Variants in PTPRD observed in about 807,000 individuals in gnomAD.
PTPRD encodes protein tyrosine phosphatase receptor type D.
In PTPRD, 34 loss-of-function variants were observed where a neutral mutation model predicts 214.5. The ratio of observed to expected loss-of-function variants is 0.16; its 90% confidence interval spans 0.12 to 0.21. PTPRD has a LOEUF of 0.21. Ranked by LOEUF, PTPRD falls within the 10% of genes least tolerant of loss-of-function variation. The pLI is 1.00. For missense variants in PTPRD, 2,545 were observed against 2,398.7 expected, an observed-to-expected ratio of 1.06 and a Z score of -1.27; for synonymous variants, 1,128 against 845.7, an observed-to-expected ratio of 1.33 and a Z score of -5.79.
Position 8,799,654 on chromosome 9 carries a change from C to A in PTPRD, c.-103-65708G>T, listed in dbSNP as rs111504971. On this transcript the variant is annotated intron_variant, in intron 11 of 45. Transcript: ENST00000381196. ...ACTCCAGCTGCCCTTTCAACTTCTG[C>A]CTTCCTTAATAAAGATGGTATAGCA... Among the ~76,000 whole-genome samples, 802 of 152,208 alleles carry A rather than the reference C, an allele frequency of 5.3e-3. 12 individuals are homozygous for A. The highest frequency in any genetic ancestry group is 0.045 in the East Asian group (231 of 5,166).
intron 5 of PTPRD, among the ~76,000 whole-genome samples, chr9:9,820,241 G>C (rs143624813): frequency 4.2e-4 from 64 of 152,078 alleles, no homozygotes; most frequent in African/African-American, 1.5e-3. Context: ...TGATCAGTAA[G>C]GTTGAGCATT....
At chr9:9,156,982 G>A (rs1592597317) in intron 10 of PTPRD, among the ~76,000 whole-genome samples, 2 of 152,258 alleles carry the variant, frequency 1.3e-5, no homozygotes, top group South Asian at 4.1e-4. Flanking sequence ...GCTACCAAGT[G>A]GTTATCCAAA....
intron 14 of PTPRD, among the ~76,000 whole-genome samples, chr9:8,559,769 C>G (rs993419614): frequency 3.9e-5 from 6 of 152,208 alleles, no homozygotes; most frequent in Non-Finnish European, 8.8e-5. Context: ...CAGTTTAGCT[C>G]TCACAGCTTT....
intron 10 of PTPRD, among the ~76,000 whole-genome samples, chr9:9,145,954 A>G (rs1397559276): frequency 6.6e-6 from 1 of 152,216 alleles, no homozygotes; most frequent in Admixed American, 6.5e-5. Context: ...CTAACTGAAG[A>G]TGTCCTTCAT....
intron 5 of PTPRD, among the ~76,000 whole-genome samples, chr9:9,878,573 T>C (rs541079451): frequency 6.6e-6 from 1 of 152,294 alleles, no homozygotes; most frequent in East Asian, 1.9e-4. Flanking sequence ...AGAGAAAATG[T>C]TTAGACCTAT....
intron 27 of PTPRD, 29 bp from the exon 28 acceptor site, chr9:8,486,378 C>T (rs2135985001): frequency 1.3e-6 from 2 of 1,565,086 alleles, no homozygotes; most frequent in South Asian, 1.1e-5. Context: ...AGTGGTAAGA[C>T]CAACCAATCT....
At chr9:8,514,978 T>C (rs1008009845) in intron 21 of PTPRD, among the ~76,000 whole-genome samples, 1 of 152,194 alleles carries the variant, frequency 6.6e-6, no homozygotes, top group Non-Finnish European at 1.5e-5. Context: ...GTGGAGAAGG[T>C]CCTTGCTTCC....
At chr9:10,327,503 A>T (rs1019468250) in intron 3 of PTPRD, among the ~76,000 whole-genome samples, 10 of 151,484 alleles carry the variant, frequency 6.6e-5, no homozygotes, top group Admixed American at 1.3e-4. Context: ...AAAAATAACT[A>T]CCAATTTTTC....
chr9:10,074,104 T>C (rs893994550), intron 3 of PTPRD, among the ~76,000 whole-genome samples: 2 of 152,126 alleles, frequency 1.3e-5, no homozygotes, highest in Non-Finnish European at 2.9e-5. Flanking sequence ...GTATTTCAGA[T>C]ACCCACCACA....
At chr9:9,615,893 G>T (rs1393187104) in intron 7 of PTPRD, among the ~76,000 whole-genome samples, 4 of 152,120 alleles carry the variant, frequency 2.6e-5, no homozygotes, top group African/African-American at 9.7e-5. Context: ...CTCTCAATAG[G>T]ATGGCTGTGT....
At chr9:9,365,692 G>A (rs1451999883) in intron 9 of PTPRD, among the ~76,000 whole-genome samples, 1 of 151,426 alleles carries the variant, frequency 6.6e-6, no homozygotes, top group Non-Finnish European at 1.5e-5. Context: ...TAAATAGACA[G>A]GTCAAGAAAA....
intron 5 of PTPRD, among the ~76,000 whole-genome samples, chr9:9,824,160 C>G (rs1247820492): frequency 4.0e-5 from 6 of 148,596 alleles, no homozygotes; most frequent in Admixed American, 4.0e-4. Context: ...GCAAAGGTAT[C>G]TCATTATGTA....
At chr9:9,575,743 A>AG (rs1265413925) in intron 7 of PTPRD, among the ~76,000 whole-genome samples, 58 of 136,798 alleles carry the variant, frequency 4.2e-4, no homozygotes, top group African/African-American at 1.4e-3. Context: ...AAAAAAAAAA[A>AG]AAAGAAAGAA....
chr9:9,187,589 C>A (rs2099932417), intron 9 of PTPRD, among the ~76,000 whole-genome samples: 3 of 151,856 alleles, frequency 2.0e-5, no homozygotes, highest in Admixed American at 2.0e-4. Flanking sequence ...TCCCTCCCTG[C>A]TTCCCTCTCT....
At chr9:10,210,946 C>G (rs1304041527) in intron 3 of PTPRD, among the ~76,000 whole-genome samples, 2 of 150,346 alleles carry the variant, frequency 1.3e-5, no homozygotes, top group African/African-American at 2.4e-5. Context: ...ATAAAATTCA[C>G]CTATACACAA....
chr9:9,451,412 T>G (rs1163029683), intron 8 of PTPRD, among the ~76,000 whole-genome samples: 1 of 151,810 alleles, frequency 6.6e-6, no homozygotes, highest in Non-Finnish European at 1.5e-5. Context: ...CATGCAATTT[T>G]GCAGTTTGTT....
Position 9,504,434 on chromosome 9 carries a change from T to G in PTPRD, c.-237+70298A>C, listed in dbSNP as rs188207743. Among the ~76,000 whole-genome samples the G allele has an allele frequency of 6.6e-5, 10 of 151,770 alleles. No homozygotes were observed. The East Asian group carries it at 1.9e-3, about 29-fold the overall frequency. Reference sequence around the variant, plus strand: ...ATACAACCCTTGTCTCCATTCCAAATGTATCTTAAGCCATATCCCCAACAC... The same window carrying G: ...ATACAACCCTTGTCTCCATTCCAAAGGTATCTTAAGCCATATCCCCAACAC... On this transcript the variant is annotated intron_variant, in intron 8 of 45. Transcript: ENST00000381196.
intron 19 of PTPRD, 76 bp from the exon 20 acceptor site, chr9:8,521,622 C>A (rs544629380): frequency 2.1e-6 from 3 of 1,455,220 alleles, no homozygotes; most frequent in Admixed American, 2.1e-5. Context: ...TGACATGCAC[C>A]GTACAGACAC....
At chr9:10,270,551 T>G (rs907068401) in intron 3 of PTPRD, among the ~76,000 whole-genome samples, 3 of 152,194 alleles carry the variant, frequency 2.0e-5, no homozygotes, top group African/African-American at 7.2e-5. Flanking sequence ...AATGCAGAAC[T>G]GCCATACAAA....
Sources: gnomAD v4.1 joint callset for allele counts (sites outside exome capture counted in the v4.1 genomes callset) on GRCh38, gnomAD v4.1.1 for gene constraint, MANE v1.5 for transcripts, NCBI Gene and HGNC (gene_info 2026-07-23, HGNC 2026-07-21) for gene names.